ADAM8: variants seen among roughly 807,000 people sequenced by gnomAD.
The protein encoded by ADAM8 is disintegrin and metalloproteinase domain-containing protein 8.
In ADAM8, 104 loss-of-function variants were observed where a neutral mutation model predicts 102.4. The ratio of observed to expected loss-of-function variants is 1.02; its 90% CI spans 0.87 to 1.20. The LOEUF (loss-of-function observed/expected upper bound fraction) is 1.20. Ranked by LOEUF, ADAM8 falls within the 50% of genes most tolerant of loss-of-function variation. The probability of loss-of-function intolerance (pLI) is 0.00; values close to 1 mark genes in which losing one functional copy is unlikely to be tolerated. For synonymous variants in ADAM8, 517 were observed against 485.2 expected (o/e 1.07, Z -0.86); for missense variants, 1,132 against 1,159.0 (o/e 0.98, Z 0.34).
Position 133,271,584 on chromosome 10 carries a change from CG to C in ADAM8, c.1227del (p.Val410CysfsTer50), listed in dbSNP as rs143423208. 4.0e-4 allele frequency: 624 copies of C among 1,558,362 alleles called. No homozygotes were observed. The highest frequency in any genetic ancestry group is 5.3e-4 in the Non-Finnish European group (606 of 1,151,204). On this transcript the variant is annotated frameshift_variant, in exon 12 of 23. Coordinates refer to ENST00000445355, the MANE Select transcript of ADAM8 (RefSeq NM_001109.5). LOFTEE classifies it high-confidence loss of function. ...CGCTCCACAAACAGGTTCCCACACA[CG>C]GGGCCGCCCACCAGGTGGCTGAGGT... ...APDLSHLVGG[P>X]VCGNLFVERG... is the part of the protein sequence containing the mutation.
At chr10:133,270,319 G>T (rs760488457) in intron 16 of ADAM8, 41 bp downstream of exon 16, 1 of 1,555,362 alleles carries the variant, frequency 6.4e-7, no homozygotes, top group Non-Finnish European at 8.7e-7. Flanking sequence ...ACATGCCCGG[G>T]ATGCCTGGGG....
At position 133,273,353 on chromosome 10, in the gene ADAM8, C is replaced by T. The variant is rs774483498; in HGVS notation, c.474G>A (p.Glu158=). 6.4e-7 allele frequency: 1 copy of T among 1,565,682 alleles called. No homozygotes were observed. The highest frequency in any genetic ancestry group is 1.4e-5 in the African/African-American group (1 of 73,810). ...EGGRHAVYQA[E]HLLQTAGTCG... is the part of the protein sequence containing the mutation. ...AGGTCCCGGCCGTCTGCAGCAGGTG[C>T]TCAGCCTGGTACACGGCGTGCCGTC... The change falls in exon 6 of 23, where the codon GAG becomes GAA. Residue 158 remains glutamate (E), a synonymous_variant. Coordinates refer to ENST00000445355, the MANE Select transcript of ADAM8 (RefSeq NM_001109.5).
In ADAM8 at chr10:133,263,773, GA is replaced by G; in HGVS notation, c.2320-9del. The G allele has an allele frequency of 6.4e-7, 1 of 1,550,470 alleles. No homozygotes were observed. The highest frequency in any genetic ancestry group is 8.7e-7 in the Non-Finnish European group (1 of 1,147,044). On this transcript the variant is annotated splice_polypyrimidine_tract_variant and intron_variant, in intron 21 of 22. Coordinates refer to ENST00000445355, the MANE Select transcript of ADAM8 (RefSeq NM_001109.5). ...GAACGTTGGCTTGATGACCTGGGAG[GA>G]AACAGACACAGCTGACATGGGTCCC...
chr10:133,273,329 G>C lies in ADAM8; in HGVS notation c.498C>G (p.Thr166=). The stretch of plus-strand genomic sequence containing the variant: ...CCAGGCTGTCGTCGCTGACCCCGCA[G>C]GTCCCGGCCGTCTGCAGCAGGTGCT... ...QAEHLLQTAG[T]CGVSDDSLGS... The change falls in exon 6 of 23, where the codon ACC becomes ACG. Residue 166 remains threonine (T), a synonymous_variant. Coordinates refer to ENST00000445355, the MANE Select transcript of ADAM8 (RefSeq NM_001109.5). 1 of 1,576,998 alleles carries C rather than the reference G, an allele frequency of 6.3e-7. No homozygotes were observed. The highest frequency in any genetic ancestry group is 8.6e-7 in the Non-Finnish European group (1 of 1,162,406).
rs1015473273 is a variant in ADAM8 at position 133,273,922 on chromosome 10, C to T, written c.306+29G>A. 5.1e-6 allele frequency: 8 copies of T among 1,573,762 alleles called. No individual in the cohort carries two copies. In the Admixed American group the frequency reaches 1.1e-4, roughly 22 times the overall value. On this transcript the variant is annotated intron_variant, in intron 4 of 22. Transcript: ENST00000445355. ...GGGAGGGCCGCCCAGCCCCTACCTG[C>T]CCGCCCAGCTGCTCCGCCCGACCCA...
rs1846608929 is a variant in ADAM8, at chr10:133,273,088, CG to C, written c.574-70del. 5.6e-6 allele frequency: 9 copies of C among 1,607,496 alleles called. No individual in the cohort carries two copies. The South Asian group carries it at 9.9e-5, about 18-fold the overall frequency. On this transcript the variant is annotated intron_variant, in intron 6 of 22. Coordinates refer to ENST00000445355, the MANE Select transcript of ADAM8 (RefSeq NM_001109.5). ...GGGCCTGGACCCTCCCTCAGGGACC[CG>C]GGGCCACTGTCCAGCCCCTGTCCAG...
intron 18 of ADAM8, 166 bp downstream of exon 18, chr10:133,269,279 C>T (rs542744743): frequency 1.1e-6 from 1 of 874,672 alleles, no homozygotes; most frequent in African/African-American, 1.8e-5. Context: ...CTCACATCAG[C>T]CTGGGGACAG....
At chr10:133,272,016 C>A (rs1383250924) in intron 10 of ADAM8, 62 bp from the exon 11 acceptor site, 3 of 1,588,530 alleles carry the variant, frequency 1.9e-6, no homozygotes, top group Non-Finnish European at 2.6e-6. Context: ...GCCACCCTCA[C>A]CCCACCAGGG....
At chr10:133,266,764 A>C (rs1846333296) in intron 21 of ADAM8, among the ~76,000 whole-genome samples, 1 of 152,168 alleles carries the variant, frequency 6.6e-6, no homozygotes, top group Non-Finnish European at 1.5e-5. Flanking sequence ...ACCCACTGCC[A>C]GAGCGGTTTC....
rs1283148591 is a variant in ADAM8, at chr10:133,267,932, AG to A, written c.2249del (p.Pro750LeufsTer59). The A allele has an allele frequency of 2.4e-6, 3 of 1,260,522 alleles. No homozygotes were observed. Among genetic ancestry groups the A allele is most frequent in the South Asian group, 3.8e-5 (1 of 26,294 alleles). The allele number at this position is 1,260,522 out of a possible 1,614,324, so 78.1% of individuals were successfully genotyped here. On this transcript the variant is annotated frameshift_variant, in exon 20 of 23. Coordinates refer to ENST00000445355, the MANE Select transcript of ADAM8 (RefSeq NM_001109.5). LOFTEE classifies it high-confidence loss of function. ...ASSVALKRPP[P>X]APPVTVSSPP... ...ACCCGCCAGGGGTGGTGCTTACAGC[AG>A]GGGGCGGCCTCTTCAGAGCCACCGA...
Position 133,272,644 on chromosome 10 carries a change from G to A in ADAM8, c.706-59C>T, listed in dbSNP as rs1846579767. ...GGGTGGCGGAAGGTACAGCAGGGAG[G>A]GTGGGTGGCGGAGGATGCACCTGTC... On this transcript the variant is annotated intron_variant, in intron 8 of 22. Transcript: ENST00000445355. 1.9e-6 allele frequency: 3 copies of A among 1,558,864 alleles called. No homozygotes were observed. In the South Asian group the frequency reaches 3.6e-5, roughly 19 times the overall value.
intron 10 of ADAM8, 32 bp downstream of exon 10, chr10:133,272,161 G>A (rs374593814): frequency 4.5e-5 from 70 of 1,546,690 alleles, no homozygotes; most frequent in African/African-American, 1.4e-4. Flanking sequence ...CTCTGGCCTC[G>A]GCCTGGCAAA....
chr10:133,266,660 G>A (rs142792153), intron 21 of ADAM8, among the ~76,000 whole-genome samples: 55 of 152,298 alleles, frequency 3.6e-4, no homozygotes, highest in African/African-American at 1.2e-3. Context: ...GTACCACTGG[G>A]GCCCCGTGCC....
intron 19 of ADAM8, 45 bp downstream of exon 19, chr10:133,268,703 C>T (rs750455209): frequency 1.5e-5 from 24 of 1,567,392 alleles, no homozygotes; most frequent in South Asian, 9.1e-5. Context: ...CAGCTGAGCA[C>T]GGGAAGCACT....
At chr10:133,266,414 T>C (rs1279209426) in intron 21 of ADAM8, among the ~76,000 whole-genome samples, 10 of 152,036 alleles carry the variant, frequency 6.6e-5, no homozygotes, top group Admixed American at 5.9e-4. Flanking sequence ...CAAAATTAAA[T>C]GTTAACAAAA....
Position 133,270,454 on chromosome 10 carries a change from G to T in ADAM8, c.1691C>A (p.Ala564Asp). 1 of 1,605,636 alleles carries T rather than the reference G, an allele frequency of 6.2e-7. No homozygotes were observed. The highest frequency in any genetic ancestry group is 8.5e-7 in the Non-Finnish European group (1 of 1,174,246). Residue 564 changes from alanine to aspartate, a missense_variant, in exon 16 of 23, where the codon GCC becomes GAC. Coordinates refer to ENST00000445355, the MANE Select transcript of ADAM8 (RefSeq NM_001109.5). ...CKGGQQPLGR[A>D]ICIVDVCHAL... ...GTGGCACACATCCACGATGCAGATG[G>T]CACGCCCCAGGGGCTGCTGCCCACC...
At chr10:133,266,533 AC>A (rs1238868713) in intron 21 of ADAM8, among the ~76,000 whole-genome samples, 1 of 151,984 alleles carries the variant, frequency 6.6e-6, no homozygotes, top group Non-Finnish European at 1.5e-5. Flanking sequence ...CCGGAGATGC[AC>A]CGTGGGACCT....
At chr10:133,270,111 T>TC (rs1226788167) in intron 16 of ADAM8, 137 bp from the exon 17 acceptor site, 7 of 1,174,390 alleles carry the variant, frequency 6.0e-6, no homozygotes, top group Non-Finnish European at 8.5e-6. Context: ...ATCTGCCGGC[T>TC]GCCTACCCCC....
chr10:133,272,074 A>C, intron 10 of ADAM8, 119 bp downstream of exon 10: 2 of 1,510,982 alleles, frequency 1.3e-6, no homozygotes, highest in Non-Finnish European at 1.8e-6. Flanking sequence ...AAAACATAAA[A>C]TCAGGCATTA....
Sources: gnomAD v4.1 joint callset for allele counts (sites outside exome capture counted in the v4.1 genomes callset) on GRCh38, gnomAD v4.1.1 for gene constraint, MANE v1.5 for transcripts, NCBI Gene and HGNC (gene_info 2026-07-23, HGNC 2026-07-21) for gene names.